The following CAMKMT variants were observed in gnomAD, a reference collection of about 807,000 sequenced individuals.
CAMKMT encodes calmodulin-lysine N-methyltransferase.
Under a neutral mutation model 48.0 loss-of-function variants are expected in CAMKMT, and 53 were observed. The ratio of observed to expected loss-of-function variants is 1.10; its 90% CI spans 0.89 to 1.39. The LOEUF is 1.39. Among genes scored for constraint, CAMKMT ranks in the 40% most tolerant of loss-of-function variants. CAMKMT has a pLI of 0.00. For missense variants in CAMKMT, 428 were observed against 402.7 expected, an observed-to-expected ratio of 1.06 and a Z score of -0.54; for synonymous variants, 165 against 152.3, an observed-to-expected ratio of 1.08 and a Z score of -0.61.
In CAMKMT at chr2:44,618,404, C is replaced by G. The variant is rs1558748136; in HGVS notation, c.377-85879C>G. 1.3e-5 allele frequency among the ~76,000 whole-genome samples: 2 copies of G among 152,186 alleles called. No individual in the cohort carries two copies. Among genetic ancestry groups the G allele is most frequent in the Non-Finnish European group, 2.9e-5 (2 of 68,034 alleles). On this transcript the variant is annotated intron_variant, in intron 3 of 10. Transcript: ENST00000378494. This position sits in a 1 kb window ranked among gnomAD's most constrained non-coding sequence, Gnocchi z 4.0. The stretch of plus-strand genomic sequence containing the variant: ...AACAGCCTTCCTACCAATTCCCAAG[C>G]CTGTCAGCAGAACCAATTAGATTTT...
At chr2:44,427,110 T>C (rs1684326642) in intron 3 of CAMKMT, among the ~76,000 whole-genome samples, 1 of 152,190 alleles carries the variant, frequency 6.6e-6, no homozygotes. Flanking sequence ...GTTAACCATA[T>C]GCAGAAGAAT....
intron 3 of CAMKMT, among the ~76,000 whole-genome samples, chr2:44,497,768 C>T (rs1669825699): frequency 6.9e-6 from 1 of 144,664 alleles, no homozygotes; most frequent in Non-Finnish European, 1.5e-5. Flanking sequence ...GGGCTATAGG[C>T]AGCCCCAGAA....
chr2:44,582,960 A>G (rs577258981), intron 3 of CAMKMT, among the ~76,000 whole-genome samples: 2 of 152,310 alleles, frequency 1.3e-5, no homozygotes, highest in African/African-American at 2.4e-5. Flanking sequence ...AATACATACT[A>G]TCAGCATAGT....
chr2:44,596,330 T>A (rs944425490), intron 3 of CAMKMT, among the ~76,000 whole-genome samples: 16 of 151,996 alleles, frequency 1.1e-4, no homozygotes, highest in African/African-American at 3.4e-4. Flanking sequence ...GTGCCTGTAG[T>A]CCCAGCTACT....
At chr2:44,438,039 A>G (rs2104554839) in intron 3 of CAMKMT, among the ~76,000 whole-genome samples, 1 of 152,156 alleles carries the variant, frequency 6.6e-6, no homozygotes, top group African/African-American at 2.4e-5. Flanking sequence ...CTTTATATGT[A>G]TTAGTTTACA....
chr2:44,600,264 T>TA (rs1013150265), intron 3 of CAMKMT, among the ~76,000 whole-genome samples: 2 of 151,954 alleles, frequency 1.3e-5, no homozygotes, highest in African/African-American at 4.8e-5. Context: ...ACCAAGATTT[T>TA]TTTTTTTATT....
chr2:44,506,118 A>G (rs1380636008), intron 3 of CAMKMT, among the ~76,000 whole-genome samples: 2 of 152,090 alleles, frequency 1.3e-5, no homozygotes, highest in African/African-American at 4.8e-5. Context: ...TGGCCTCCCA[A>G]AGTGCTAGCA....
chr2:44,609,497 A>G (rs1320940672), intron 3 of CAMKMT, among the ~76,000 whole-genome samples: 3 of 152,354 alleles, frequency 2.0e-5, no homozygotes, highest in African/African-American at 7.2e-5. Context: ...TCAATAAAAA[A>G]TTTAGTTTAT....
intron 3 of CAMKMT, among the ~76,000 whole-genome samples, chr2:44,478,555 A>T (rs1368607795): frequency 1.3e-5 from 2 of 152,192 alleles, no homozygotes; most frequent in African/African-American, 4.8e-5. Flanking sequence ...TTTATTTGTT[A>T]ACATTTAAAA....
chr2:44,431,463 T>C (rs1189394430), intron 3 of CAMKMT, among the ~76,000 whole-genome samples: 2 of 152,202 alleles, frequency 1.3e-5, no homozygotes, highest in African/African-American at 2.4e-5. Flanking sequence ...TTAGTTCCTT[T>C]GTTGCTTTCT....
chr2:44,383,131 CTT>C (rs992963820), intron 2 of CAMKMT, among the ~76,000 whole-genome samples: 2 of 148,142 alleles, frequency 1.4e-5, no homozygotes, highest in Non-Finnish European at 3.0e-5. Flanking sequence ...CCTACCTCCT[CTT>C]TTTTTTTTCA....
chr2:44,403,078 T>A (rs541947531), intron 3 of CAMKMT, among the ~76,000 whole-genome samples: 6 of 152,288 alleles, frequency 3.9e-5, no homozygotes, highest in Admixed American at 3.9e-4. Context: ...GAAGGGACAC[T>A]GATATTACAG....
intron 3 of CAMKMT, among the ~76,000 whole-genome samples, chr2:44,519,021 A>C (rs950417554): frequency 3.3e-5 from 5 of 152,230 alleles, no homozygotes; most frequent in Admixed American, 6.5e-5. Context: ...AGGTACCACT[A>C]CTTTACTAAC....
intron 8 of CAMKMT, among the ~76,000 whole-genome samples, chr2:44,744,454 T>G (rs1228675729): frequency 2.0e-5 from 3 of 152,186 alleles, no homozygotes; most frequent in African/African-American, 7.2e-5. Flanking sequence ...TCTTATGTAT[T>G]TCTTCATGCA....
At chr2:44,480,739 T>C (rs1668924505) in intron 3 of CAMKMT, among the ~76,000 whole-genome samples, 1 of 151,896 alleles carries the variant, frequency 6.6e-6, no homozygotes. Context: ...CTGTTACTCT[T>C]TTGGAGCTGA....
At chr2:44,557,807 G>A (rs1399152868) in intron 3 of CAMKMT, among the ~76,000 whole-genome samples, 1 of 151,918 alleles carries the variant, frequency 6.6e-6, no homozygotes, top group Non-Finnish European at 1.5e-5. Context: ...CTAATTTCAT[G>A]TTGCTGTTTT....
At chr2:44,661,090 G>C (rs1163491962) in intron 3 of CAMKMT, among the ~76,000 whole-genome samples, 1 of 151,956 alleles carries the variant, frequency 6.6e-6, no homozygotes, top group Non-Finnish European at 1.5e-5. Flanking sequence ...TGTGTGTGTT[G>C]CTTGTTGTAT....
chr2:44,672,514 G>A (rs1675391600), intron 3 of CAMKMT, among the ~76,000 whole-genome samples: 1 of 152,006 alleles, frequency 6.6e-6, no homozygotes. Flanking sequence ...GTACCATTAG[G>A]CCACTGCTCC....
intron 3 of CAMKMT, among the ~76,000 whole-genome samples, chr2:44,675,894 G>C (rs1027772798): frequency 3.9e-5 from 6 of 152,102 alleles, no homozygotes; most frequent in African/African-American, 1.2e-4. Context: ...TGACCACTCT[G>C]GGTACCGCAA....
Sources: allele counts gnomAD v4.1 joint callset (sites outside exome capture counted in the v4.1 genomes callset), GRCh38; gene constraint gnomAD v4.1.1; non-coding constraint Gnocchi (gnomAD v3.1); transcripts MANE v1.5; gene names NCBI Gene and HGNC (gene_info 2026-07-23, HGNC 2026-07-21).